The following CLGN variants were observed in gnomAD, a reference collection of about 807,000 sequenced individuals.
CLGN encodes testis tissue sperm-binding protein Li 79P.
Under a neutral mutation model 79.1 loss-of-function variants are expected in CLGN, and 62 were observed. The observed-to-expected ratio is 0.78, with a 90% CI of 0.64 to 0.97. CLGN has a LOEUF of 0.97. CLGN is among the 50% of genes least tolerant of loss of function. CLGN has a pLI of 0.00. For synonymous variants in CLGN, 225 were observed against 224.7 expected, an observed-to-expected ratio of 1.00 and a Z score of -0.01; for missense variants, 647 against 715.5, an observed-to-expected ratio of 0.90 and a Z score of 1.09.
chr4:140,406,107 T>C, intron 4 of CLGN, 24 bp from the exon 5 acceptor site: 1 of 1,606,394 alleles, frequency 6.2e-7, no homozygotes, highest in African/African-American at 1.3e-5. Context: ...CAAAGCAAAT[T>C]AAACTAAAAC....
chr4:140,398,961 A>G lies in CLGN; in HGVS notation c.774T>C (p.Val258=). Residue 258 remains valine (V), a synonymous_variant, in exon 8 of 15, where the codon GTT becomes GTC. Coordinates refer to ENST00000325617, the MANE Select transcript of CLGN (RefSeq NM_004362.3). Reference sequence around the variant, plus strand: ...TTTCTTTGGGAGGTTTGATAGGAGGAACCACATCCTCTAGGAGGCTTCCTT... The same window carrying G: ...TTTCTTTGGGAGGTTTGATAGGAGGGACCACATCCTCTAGGAGGCTTCCTT... ...VNKGSLLEDV[V]PPIKPPKEIE... is the part of the protein sequence containing the mutation. 1 of 1,613,892 alleles carries G rather than the reference A, an allele frequency of 6.2e-7. No homozygotes were observed. Among genetic ancestry groups the G allele is most frequent in the Non-Finnish European group, 8.5e-7 (1 of 1,179,878 alleles).
At chr4:140,406,622 A>G (rs1353915229) in intron 4 of CLGN, among the ~76,000 whole-genome samples, 1 of 152,242 alleles carries the variant, frequency 6.6e-6, no homozygotes, top group East Asian at 1.9e-4. Flanking sequence ...TACACTAATC[A>G]GCTCTCAGAA....
intron 1 of CLGN, among the ~76,000 whole-genome samples, chr4:140,419,773 ATC>A (rs1729427431): frequency 1.3e-5 from 2 of 152,294 alleles, no homozygotes; most frequent in East Asian, 3.9e-4. Flanking sequence ...CTAGGATTTG[ATC>A]TCTCTAAATC....
intron 1 of CLGN, among the ~76,000 whole-genome samples, chr4:140,415,581 A>G (rs1729312047): frequency 6.6e-6 from 1 of 151,240 alleles, no homozygotes; most frequent in Admixed American, 6.6e-5. Flanking sequence ...CTTTAAACCA[A>G]CAAAGATCAA....
intron 2 of CLGN, 72 bp from the exon 3 acceptor site, chr4:140,410,698 G>T: frequency 1.1e-6 from 1 of 946,038 alleles, no homozygotes; most frequent in Non-Finnish European, 1.7e-6. Context: ...TCTTCCTAGT[G>T]AAGAACATAG....
At chr4:140,424,201 G>T (rs763216693) in intron 1 of CLGN, among the ~76,000 whole-genome samples, 2 of 151,898 alleles carry the variant, frequency 1.3e-5, no homozygotes, top group Non-Finnish European at 2.9e-5. Context: ...ATAAGTTTTG[G>T]TATCTTTTGT....
chr4:140,423,430 T>A (rs1022675094), intron 1 of CLGN, among the ~76,000 whole-genome samples: 4 of 152,238 alleles, frequency 2.6e-5, no homozygotes, highest in Non-Finnish European at 5.9e-5. Flanking sequence ...AGCTGAATTT[T>A]GTTGTCAAGT....
Position 140,410,554 on chromosome 4 carries a change from C to T in CLGN, c.217G>A (p.Gly73Arg). Reference sequence around the variant, plus strand: ...ACATTCTCTTGAATGAATACTCACCCAGCCAACCTTCCACTATCAAAAGTT... The same window carrying T: ...ACATTCTCTTGAATGAATACTCACCTAGCCAACCTTCCACTATCAAAAGTT... Reference protein sequence around the residue: ...AETFDSGRLAGWVLSKAKKDD... With the variant: ...AETFDSGRLARWVLSKAKKDD... Residue 73 changes from glycine (G) to arginine (R), a missense_variant and splice_region_variant, in exon 3 of 15, where the codon GGA becomes AGA. Coordinates refer to ENST00000325617, the MANE Select transcript of CLGN (RefSeq NM_004362.3). 1 of 1,592,890 alleles carries T rather than the reference C, an allele frequency of 6.3e-7. No homozygotes were observed. Among genetic ancestry groups the T allele is most frequent in the African/African-American group, 1.3e-5 (1 of 74,546 alleles).
intron 5 of CLGN, among the ~76,000 whole-genome samples, chr4:140,403,602 T>C (rs937261014): frequency 1.3e-4 from 20 of 152,206 alleles, no homozygotes; most frequent in Non-Finnish European, 2.6e-4. Context: ...TGCTTTATAA[T>C]AGATTATCTC....
chr4:140,413,509 T>G (rs1729256159), intron 1 of CLGN, among the ~76,000 whole-genome samples: 1 of 151,934 alleles, frequency 6.6e-6, no homozygotes, highest in Admixed American at 6.6e-5. Flanking sequence ...GCACCGTGCG[T>G]GAGCCGAAGC....
intron 2 of CLGN, among the ~76,000 whole-genome samples, chr4:140,412,468 GAGTC>G (rs1276264000): frequency 2.6e-5 from 4 of 152,076 alleles, no homozygotes; most frequent in Admixed American, 1.3e-4. Flanking sequence ...AGAGAAACAC[GAGTC>G]AGGTTTACTA....
chr4:140,418,625 G>C (rs914002519), intron 1 of CLGN, among the ~76,000 whole-genome samples: 73 of 151,436 alleles, frequency 4.8e-4, no homozygotes, highest in Non-Finnish European at 7.7e-4. Flanking sequence ...CTGGCCATCA[G>C]AGAAATGCAA....
chr4:140,403,802 T>G (rs889785307), intron 5 of CLGN, among the ~76,000 whole-genome samples: 2 of 152,192 alleles, frequency 1.3e-5, no homozygotes, highest in African/African-American at 4.8e-5. Flanking sequence ...CACAATGGAT[T>G]AGAGGATCAA....
Position 140,390,711 on chromosome 4 carries a change from CA to C in CLGN, c.1668del (p.Glu557ArgfsTer11), listed in dbSNP as rs1385374162. The C allele has an allele frequency of 1.9e-6, 3 of 1,602,456 alleles. No homozygotes were observed. The South Asian group carries it at 3.3e-5, about 18-fold the overall frequency. On this transcript the variant is annotated frameshift_variant, in exon 14 of 15. Transcript: ENST00000325617. LOFTEE classifies it high-confidence loss of function. ...TCAATTTCTTCTTCACTCTTTTCCT[CA>C]GGTTCACTTTCCTCTTCTAGAATAC... Reference protein sequence around the residue: ...EMLEKEEESEPEEKSEEEIEI... With the variant: ...EMLEKEEESEXEEKSEEEIEI...
intron 1 of CLGN, among the ~76,000 whole-genome samples, chr4:140,419,901 A>G (rs1194792569): frequency 2.6e-5 from 4 of 152,142 alleles, no homozygotes; most frequent in Non-Finnish European, 5.9e-5. Flanking sequence ...TATATCTGCA[A>G]ATTGCTTATT....
At chr4:140,407,183 T>C (rs1163507907) in intron 4 of CLGN, among the ~76,000 whole-genome samples, 1 of 152,074 alleles carries the variant, frequency 6.6e-6, no homozygotes, top group Non-Finnish European at 1.5e-5. Flanking sequence ...TCATATTATA[T>C]TTTTTTGAAA....
At chr4:140,423,579 C>T (rs932511040) in intron 1 of CLGN, among the ~76,000 whole-genome samples, 4 of 152,124 alleles carry the variant, frequency 2.6e-5, no homozygotes, top group African/African-American at 9.7e-5. Flanking sequence ...TTCAATATTT[C>T]GGAAGAATTT....
At chr4:140,424,482 T>C (rs1416618788) in intron 1 of CLGN, among the ~76,000 whole-genome samples, 1 of 152,232 alleles carries the variant, frequency 6.6e-6, no homozygotes, top group Non-Finnish European at 1.5e-5. Flanking sequence ...TGTGTTCTGC[T>C]ATTGTTGGGT....
chr4:140,406,597 A>C (rs1375766286), intron 4 of CLGN, among the ~76,000 whole-genome samples: 2 of 152,232 alleles, frequency 1.3e-5, no homozygotes, highest in African/African-American at 4.8e-5. Flanking sequence ...TAATTCACAC[A>C]AACCCTTCTC....
Sources: gnomAD v4.1 joint callset for allele counts (sites outside exome capture counted in the v4.1 genomes callset) on GRCh38, gnomAD v4.1.1 for gene constraint, MANE v1.5 for transcripts, NCBI Gene and HGNC (gene_info 2026-07-23, HGNC 2026-07-21) for gene names.